CHRM3: variants seen among roughly 807,000 people sequenced by gnomAD.
CHRM3 encodes the protein muscarinic acetylcholine receptor M3.
In CHRM3, 11 loss-of-function variants were observed where a neutral mutation model predicts 41.8. The ratio of observed to expected loss-of-function variants is 0.26; its 90% CI spans 0.17 to 0.44. The LOEUF (loss-of-function observed/expected upper bound fraction) is 0.44, where lower values mean the gene tolerates loss of function less well. CHRM3 is among the 20% of genes least tolerant of loss of function. The pLI is 1.00. For missense variants in CHRM3, 571 were observed against 745.4 expected (o/e 0.77, Z 2.72); for synonymous variants, 297 against 301.4 (o/e 0.99, Z 0.15).
chr1:239,853,279 C>T (rs540957339), intron 6 of CHRM3, among the ~76,000 whole-genome samples: 6 of 151,902 alleles, frequency 3.9e-5, no homozygotes, highest in East Asian at 1.9e-4. Context: ...GTTAGAATTT[C>T]GAGTTTTATT....
chr1:239,758,179 T>G (rs773284999), intron 5 of CHRM3, among the ~76,000 whole-genome samples: 1 of 152,130 alleles, frequency 6.6e-6, no homozygotes, highest in Non-Finnish European at 1.5e-5. Flanking sequence ...ATAAGATACT[T>G]TCAAAGAATT....
chr1:239,666,576 G>C (rs1673826929), intron 4 of CHRM3, among the ~76,000 whole-genome samples: 1 of 151,992 alleles, frequency 6.6e-6, no homozygotes. Context: ...CTGGGTTTGT[G>C]GCTGGATTTT....
rs928019470 is a variant in CHRM3 at position 239,589,398 on chromosome 1, G to T, written c.-312-42826G>T. Among the ~76,000 whole-genome samples the T allele has an allele frequency of 1.7e-4, 25 of 151,386 alleles. 1 individual carries two copies. The highest frequency in any genetic ancestry group is 1.4e-3 in the Admixed American group (22 of 15,214). On this transcript the variant is annotated intron_variant, in intron 3 of 6. Coordinates refer to ENST00000676153, the MANE Select transcript of CHRM3 (RefSeq NM_001375978.1). The stretch of plus-strand genomic sequence containing the variant: ...CTTTCTGCCAAAGATAATTTAAGAT[G>T]CTAATTACAAGCACTGTTCATGAAA...
intron 5 of CHRM3, among the ~76,000 whole-genome samples, chr1:239,702,889 G>A (rs1394066584): frequency 6.6e-6 from 1 of 152,186 alleles, no homozygotes; most frequent in East Asian, 1.9e-4. Context: ...CTGATTCATA[G>A]TATATTTATT....
intron 3 of CHRM3, among the ~76,000 whole-genome samples, chr1:239,620,177 A>C (rs1668199349): frequency 1.3e-5 from 2 of 152,248 alleles, no homozygotes; most frequent in African/African-American, 4.8e-5. Context: ...CTACTTACTA[A>C]ATGGAGCGTG....
intron 2 of CHRM3, among the ~76,000 whole-genome samples, chr1:239,540,357 A>G (rs926157422): frequency 1.3e-5 from 2 of 152,210 alleles, no homozygotes; most frequent in Non-Finnish European, 2.9e-5. Context: ...AGTGGTTTAA[A>G]TGACTCCATT....
At chr1:239,404,470 AAGAAAGAAAGAAAG>A (rs1660406942) in intron 1 of CHRM3, among the ~76,000 whole-genome samples, 1 of 115,170 alleles carries the variant, frequency 8.7e-6, no homozygotes, top group African/African-American at 3.0e-5. Context: ...AAGAAAGAAA[AAGAAAGAAAGAAAG>A]GAACATTTAT....
At chr1:239,581,860 G>A (rs1261267481) in intron 3 of CHRM3, among the ~76,000 whole-genome samples, 2 of 152,190 alleles carry the variant, frequency 1.3e-5, no homozygotes, top group African/African-American at 2.4e-5. Flanking sequence ...CTGAATAGAA[G>A]TTAGGAGTTT....
chr1:239,907,754 G>C lies in CHRM3; in HGVS notation c.303G>C (p.Thr101=). ...VSFKVNKQLK[T]VNNYFLLSLA... is the part of the protein sequence containing the mutation. Reference sequence around the variant, plus strand: ...TTAAGGTCAACAAGCAGCTGAAGACGGTCAACAACTACTTCCTCTTAAGCC... The same window carrying C: ...TTAAGGTCAACAAGCAGCTGAAGACCGTCAACAACTACTTCCTCTTAAGCC... The change falls in exon 7 of 7, where the codon ACG becomes ACC. Residue 101 remains threonine (T), a synonymous_variant. Coordinates refer to ENST00000676153, the MANE Select transcript of CHRM3 (RefSeq NM_001375978.1). This position sits in a 1 kb window ranked among gnomAD's most constrained non-coding sequence, Gnocchi z 5.4. The C allele has an allele frequency of 6.2e-7, 1 of 1,614,170 alleles. No homozygotes were observed. Among genetic ancestry groups the C allele is most frequent in the East Asian group, 2.2e-5 (1 of 44,884 alleles).
rs1658621311 is a variant in CHRM3, at chr1:239,387,490, G to T, written c.-521+263G>T. On this transcript the variant is annotated intron_variant, in intron 1 of 6. Coordinates refer to ENST00000676153, the MANE Select transcript of CHRM3 (RefSeq NM_001375978.1). This position sits in a 1 kb window ranked among gnomAD's most constrained non-coding sequence, Gnocchi z 5.1. ...GACTGAGGGTGGGGAACGCCCGCTG[G>T]CACTCAAGTGCCCCGAAAGGGACGG... Among the ~76,000 whole-genome samples, 1 of 151,968 alleles carries T rather than the reference G, an allele frequency of 6.6e-6. No homozygotes were observed. Among genetic ancestry groups the T allele is most frequent in the Non-Finnish European group, 1.5e-5 (1 of 68,004 alleles).
At chr1:239,647,320 T>G (rs1464436681) in intron 4 of CHRM3, among the ~76,000 whole-genome samples, 1 of 152,216 alleles carries the variant, frequency 6.6e-6, no homozygotes, top group African/African-American at 2.4e-5. Flanking sequence ...CAAGAATCTT[T>G]GGTCTTTAAC....
chr1:239,535,668 T>C (rs925269301), intron 2 of CHRM3, among the ~76,000 whole-genome samples: 2 of 151,914 alleles, frequency 1.3e-5, no homozygotes, highest in Non-Finnish European at 2.9e-5. Context: ...ACTTTGTTTT[T>C]CCCTTATCCA....
At chr1:239,781,312 T>G (rs1668494021) in intron 5 of CHRM3, among the ~76,000 whole-genome samples, 1 of 152,184 alleles carries the variant, frequency 6.6e-6, no homozygotes, top group Non-Finnish European at 1.5e-5. Flanking sequence ...GTTTTCCTCA[T>G]GTCAATCTTA....
chr1:239,880,710 G>T (rs1489496215), intron 6 of CHRM3, among the ~76,000 whole-genome samples: 3 of 152,096 alleles, frequency 2.0e-5, no homozygotes, highest in Non-Finnish European at 4.4e-5. Flanking sequence ...TGCTCAGGCT[G>T]GTCTCAAACT....
At chr1:239,638,249 A>G (rs1387562759) in intron 4 of CHRM3, among the ~76,000 whole-genome samples, 1 of 151,362 alleles carries the variant, frequency 6.6e-6, no homozygotes, top group Admixed American at 6.6e-5. Context: ...TTATAGCAGC[A>G]TGATTTATAG....
At chr1:239,524,257 A>G (rs1414073612) in intron 2 of CHRM3, among the ~76,000 whole-genome samples, 1 of 152,162 alleles carries the variant, frequency 6.6e-6, no homozygotes, top group Admixed American at 6.5e-5. Flanking sequence ...TGGTTTTCCA[A>G]ATAAGTACAA....
rs529170329 is a variant in CHRM3, at chr1:239,763,376, T to C, written c.-146-63876T>C. On this transcript the variant is annotated intron_variant, in intron 5 of 6. Coordinates refer to ENST00000676153, the MANE Select transcript of CHRM3 (RefSeq NM_001375978.1). Reference sequence around the variant, plus strand: ...CTTTGACTTTTCAATGTCTCATGAATATATAATATCATTTAAACTTCATAG... The same window carrying C: ...CTTTGACTTTTCAATGTCTCATGAACATATAATATCATTTAAACTTCATAG... 3.3e-5 allele frequency among the ~76,000 whole-genome samples: 5 copies of C among 152,378 alleles called. No individual in the cohort carries two copies. In the South Asian group the frequency reaches 1.0e-3, roughly 32 times the overall value.
intron 5 of CHRM3, among the ~76,000 whole-genome samples, chr1:239,767,425 C>T (rs1214691893): frequency 6.6e-6 from 1 of 152,156 alleles, no homozygotes; most frequent in East Asian, 1.9e-4. Context: ...TCTTCCTATT[C>T]CTCTGTAAGT....
intron 5 of CHRM3, among the ~76,000 whole-genome samples, chr1:239,689,166 G>GT (rs542240706): frequency 9.9e-5 from 15 of 152,020 alleles, no homozygotes; most frequent in African/African-American, 3.6e-4. Flanking sequence ...TTCTATGGGA[G>GT]TTTTCAATAA....
Sources: allele counts gnomAD v4.1 joint callset (sites outside exome capture counted in the v4.1 genomes callset), GRCh38; gene constraint gnomAD v4.1.1; non-coding constraint Gnocchi (gnomAD v3.1); transcripts MANE v1.5; gene names NCBI Gene and HGNC (gene_info 2026-07-23, HGNC 2026-07-21).